The following AGBL1 variants were observed in gnomAD, a reference collection of about 807,000 sequenced individuals.
The protein encoded by AGBL1 is cytosolic carboxypeptidase 4.
AGBL1 carries 130 observed loss-of-function variants against 118.9 expected under a neutral mutation model. That is an observed-to-expected ratio of 1.09 (90% CI 0.95 to 1.26). The LOEUF is 1.26. Ranked by LOEUF, AGBL1 falls within the 50% of genes most tolerant of loss-of-function variation. AGBL1 has a pLI of 0.00. For missense variants in AGBL1, 1,584 were observed against 1,298.1 expected (o/e 1.22, Z -3.38); for synonymous variants, 555 against 478.9 (o/e 1.16, Z -2.08).
intron 22 of AGBL1, among the ~76,000 whole-genome samples, chr15:86,850,095 C>T (rs950492924): frequency 2.6e-5 from 4 of 152,150 alleles, no homozygotes; most frequent in African/African-American, 7.2e-5. Flanking sequence ...TCAACCCAAT[C>T]GCATTCAATG....
chr15:86,410,842 A>ATATATATATATATATG (rs36174307), intron 18 of AGBL1, among the ~76,000 whole-genome samples: 4 of 74,674 alleles, frequency 5.4e-5, no homozygotes, highest in African/African-American at 1.2e-4. Flanking sequence ...ATATATATAT[A>ATATATATATATATATG]ATATACTATT....
At chr15:86,086,095 G>A (rs900486599) in intron 1 of AGBL1, among the ~76,000 whole-genome samples, 3 of 152,182 alleles carry the variant, frequency 2.0e-5, no homozygotes, top group African/African-American at 4.8e-5. Context: ...GGCCAACAGC[G>A]ACCCACGCCT....
At chr15:86,564,776 T>C (rs536008667) in intron 21 of AGBL1, among the ~76,000 whole-genome samples, 3 of 152,320 alleles carry the variant, frequency 2.0e-5, no homozygotes, top group Admixed American at 2.0e-4. Flanking sequence ...ACCAATCAGA[T>C]GTAGATTTGG....
intron 18 of AGBL1, among the ~76,000 whole-genome samples, chr15:86,504,349 A>G (rs1024752824): frequency 6.6e-6 from 1 of 151,474 alleles, no homozygotes; most frequent in Non-Finnish European, 1.5e-5. Context: ...GGAACACTTT[A>G]AAAAAATCCA....
At chr15:86,885,564 T>C (rs992316757) in intron 22 of AGBL1, among the ~76,000 whole-genome samples, 5 of 152,244 alleles carry the variant, frequency 3.3e-5, no homozygotes, top group Non-Finnish European at 5.9e-5. Flanking sequence ...TACACAGTGA[T>C]TTCTCCCAAT....
intron 1 of AGBL1, chr15:86,086,294 G>A (rs1895648106): frequency 6.6e-6 from 1 of 152,090 alleles, no homozygotes; most frequent in Non-Finnish European, 1.5e-5. Context: ...CAAACAGACT[G>A]GACACCTCTT....
At chr15:86,705,957 C>T (rs547356901) in intron 22 of AGBL1, among the ~76,000 whole-genome samples, 7 of 139,784 alleles carry the variant, frequency 5.0e-5, no homozygotes, top group African/African-American at 2.0e-4. Context: ...ATCTCTCTTA[C>T]TTCATCTTTT....
intron 18 of AGBL1, among the ~76,000 whole-genome samples, chr15:86,425,306 A>G (rs925591380): frequency 2.0e-5 from 3 of 151,282 alleles, no homozygotes; most frequent in Admixed American, 6.6e-5. Flanking sequence ...ACCAAACACC[A>G]CATGTTCTCA....
At chr15:86,140,486 C>A (rs1320047730) in intron 1 of AGBL1, among the ~76,000 whole-genome samples, 1 of 152,054 alleles carries the variant, frequency 6.6e-6, no homozygotes. Flanking sequence ...ATGAAAGACC[C>A]CTTGTGCCAG....
chr15:86,247,619 G>T, intron 6 of AGBL1, 52 bp from the exon 7 acceptor site: 1 of 1,483,558 alleles, frequency 6.7e-7, no homozygotes. Context: ...TTCTCAAAGA[G>T]GTGTGGCTGT....
At chr15:86,877,834 G>A (rs1055997270) in intron 22 of AGBL1, among the ~76,000 whole-genome samples, 1 of 152,142 alleles carries the variant, frequency 6.6e-6, no homozygotes. Context: ...CCCATCTCAT[G>A]AAGTGTGTTT....
At chr15:86,988,042 G>T in exon 24 of AGBL1, 1 of 1,613,116 alleles carries the variant, frequency 6.2e-7, no homozygotes, top group Non-Finnish European at 8.5e-7. Flanking sequence ...CCACTTTTTT[G>T]CCATTACAAA....
intron 22 of AGBL1, among the ~76,000 whole-genome samples, chr15:86,771,980 G>A (rs766252106): frequency 2.0e-5 from 3 of 151,944 alleles, no homozygotes; most frequent in Non-Finnish European, 4.4e-5. Flanking sequence ...TGAAGTAAGG[G>A]CCTGAGAGGG....
intron 2 of AGBL1, 36 bp downstream of exon 2, chr15:86,142,103 G>C (rs2076971680): frequency 3.9e-6 from 6 of 1,545,364 alleles, no homozygotes; most frequent in Non-Finnish European, 5.2e-6. Flanking sequence ...TCATATGGCG[G>C]ATGTGGAGCC....
chr15:86,192,984 T>G (rs1316835043), intron 5 of AGBL1, among the ~76,000 whole-genome samples: 5 of 152,184 alleles, frequency 3.3e-5, no homozygotes, highest in African/African-American at 7.2e-5. Context: ...AATTTTGTAC[T>G]TAATTTATTT....
chr15:86,934,650 G>C (rs1392910172), intron 23 of AGBL1, among the ~76,000 whole-genome samples: 1 of 151,984 alleles, frequency 6.6e-6, no homozygotes, highest in African/African-American at 2.4e-5. Flanking sequence ...GGGTCAATAG[G>C]ATGTCATGAT....
At chr15:86,289,651 C>A (rs1358242992) in intron 16 of AGBL1, among the ~76,000 whole-genome samples, 1 of 152,114 alleles carries the variant, frequency 6.6e-6, no homozygotes, top group South Asian at 2.1e-4. Context: ...CTCATGGTAC[C>A]TCCCTCCACG....
intron 16 of AGBL1, among the ~76,000 whole-genome samples, chr15:86,292,447 C>G (rs999231684): frequency 6.6e-6 from 1 of 152,050 alleles, no homozygotes; most frequent in African/African-American, 2.4e-5. Context: ...GAATTTTGCC[C>G]AGTGGGACCC....
intron 23 of AGBL1, among the ~76,000 whole-genome samples, chr15:86,963,217 A>C (rs2081011743): frequency 6.6e-6 from 1 of 152,052 alleles, no homozygotes; most frequent in Non-Finnish European, 1.5e-5. Context: ...GATTAACACA[A>C]AACAATTTGC....
Sources: allele counts gnomAD v4.1 joint callset (sites outside exome capture counted in the v4.1 genomes callset), GRCh38; gene constraint gnomAD v4.1.1; transcripts MANE v1.5; gene names NCBI Gene and HGNC (gene_info 2026-07-23, HGNC 2026-07-21).